Variants in YBEY observed in about 807,000 individuals in gnomAD.
The protein encoded by YBEY is endoribonuclease YbeY.
YBEY carries 15 observed loss-of-function variants against 13.5 expected under a neutral mutation model. The ratio of observed to expected loss-of-function variants is 1.11; its 90% CI spans 0.75 to 1.72. The LOEUF is 1.72. Ranked by LOEUF, YBEY falls within the 40% of genes most tolerant of loss-of-function variation. YBEY has a pLI of 0.00. For missense variants in YBEY, 244 were observed against 208.4 expected (o/e 1.17, Z -1.05); for synonymous variants, 101 against 83.1 (o/e 1.21, Z -1.17).
rs1601603255 is a variant in YBEY, at chr21:46,296,358, A to G, written c.408+128A>G. On this transcript the variant is annotated intron_variant, in intron 4 of 4. Transcript: ENST00000397701. ...AACTGGACCTCAGACCTGCCCTTGT[A>G]AAAATGACACAGATGTTTGCTTTCA... 9.1e-6 allele frequency: 9 copies of G among 986,292 alleles called. No homozygotes were observed. In the East Asian group the frequency reaches 2.3e-4, roughly 25 times the overall value. The allele number at this position is 986,292 out of a possible 1,614,324, so 61.1% of individuals were successfully genotyped here.
At chr21:46,297,067 G>A (rs1439120299) in intron 4 of YBEY, among the ~76,000 whole-genome samples, 1 of 152,192 alleles carries the variant, frequency 6.6e-6, no homozygotes, top group Non-Finnish European at 1.5e-5. Context: ...GGGAGGCCGA[G>A]GAGGGTGGAT....
chr21:46,292,437 A>C (rs1212310226), intron 3 of YBEY, among the ~76,000 whole-genome samples: 1 of 152,212 alleles, frequency 6.6e-6, no homozygotes, highest in East Asian at 1.9e-4. Context: ...GGTCTTGAGC[A>C]AGGAGGGGAT....
At chr21:46,291,212 A>AC (rs2081692388) in intron 2 of YBEY, 122 bp from the exon 3 acceptor site, 5 of 1,177,358 alleles carry the variant, frequency 4.2e-6, no homozygotes, top group Non-Finnish European at 5.4e-6. Context: ...AAAAAAAAAA[A>AC]AAAAGTGATT....
chr21:46,311,459 C>A, the YBEY span: 1 of 1,572,582 alleles, frequency 6.4e-7, no homozygotes, highest in South Asian at 1.1e-5. Flanking sequence ...CACTTACCTT[C>A]CTTAATACTT....
At chr21:46,296,292 C>T in intron 4 of YBEY, 62 bp downstream of exon 4, 1 of 1,586,386 alleles carries the variant, frequency 6.3e-7, no homozygotes, top group Non-Finnish European at 8.6e-7. Context: ...TCCCCCAGGC[C>T]CCTGCCAGCC....
At chr21:46,288,518 A>T (rs1032545041) in intron 2 of YBEY, among the ~76,000 whole-genome samples, 2 of 152,122 alleles carry the variant, frequency 1.3e-5, no homozygotes, top group Admixed American at 1.3e-4. Flanking sequence ...TCTACTAAAA[A>T]TACAAAAAAA....
chr21:46,290,713 A>T (rs2081662591), intron 2 of YBEY, among the ~76,000 whole-genome samples: 1 of 151,124 alleles, frequency 6.6e-6, no homozygotes, highest in African/African-American at 2.4e-5. Flanking sequence ...GTTCGAGACC[A>T]GCCTGACCCA....
the YBEY span, among the ~76,000 whole-genome samples, chr21:46,303,130 C>CTCCA: frequency 6.6e-6 from 1 of 151,932 alleles, no homozygotes. Flanking sequence ...TGCCACTGTA[C>CTCCA]TCCAGCCTGG....
intron 3 of YBEY, among the ~76,000 whole-genome samples, chr21:46,292,971 CGTGCCCGGG>C (rs2081797136): frequency 5.8e-5 from 2 of 34,740 alleles, no homozygotes; most frequent in African/African-American, 1.3e-4. Flanking sequence ...TAGCCTGACC[CGTGCCCGGG>C]ACTCAGTGGG....
At chr21:46,306,730 G>A in the YBEY span, among the ~76,000 whole-genome samples, 1 of 151,976 alleles carries the variant, frequency 6.6e-6, no homozygotes, top group South Asian at 2.1e-4. Flanking sequence ...TAGGACCACA[G>A]GCATGCACCT....
chr21:46,309,020 A>G, the YBEY span, among the ~76,000 whole-genome samples: 3 of 152,154 alleles, frequency 2.0e-5, no homozygotes. Context: ...TCTTTTCTCT[A>G]TAAATTACCC....
At chr21:46,297,786 A>G (rs1202735427), downstream of YBEY, 10 of 1,228,628 alleles carry the variant, frequency 8.1e-6, no homozygotes, top group East Asian at 2.9e-4. Flanking sequence ...TTGTAAATAA[A>G]ACGGTTCCGA....
At chr21:46,307,864 C>T in the YBEY span, among the ~76,000 whole-genome samples, 1 of 152,124 alleles carries the variant, frequency 6.6e-6, no homozygotes, top group African/African-American at 2.4e-5. Context: ...ACCACTGCAT[C>T]CTGTTAAAAT....
At chr21:46,306,069 CAA>C in the YBEY span, among the ~76,000 whole-genome samples, 6,848 of 122,352 alleles carry the variant, frequency 0.056, 200 homozygotes, top group Non-Finnish European at 0.079. Flanking sequence ...CACTGTGACT[CAA>C]AAAAAAAAAA....
At chr21:46,291,901 C>A in intron 3 of YBEY, 1 of 944,512 alleles carries the variant, frequency 1.1e-6, no homozygotes, top group Non-Finnish European at 1.3e-6. Context: ...TGTGGTATTG[C>A]AGTAGAGAAA....
chr21:46,295,762 C>T (rs1174640965), intron 3 of YBEY, among the ~76,000 whole-genome samples: 2 of 152,118 alleles, frequency 1.3e-5, no homozygotes, highest in Admixed American at 6.5e-5. Flanking sequence ...GGGCTGTGCG[C>T]TTGCCTCGTC....
chr21:46,301,077 C>T (rs953319275), downstream of YBEY: 6 of 1,019,884 alleles, frequency 5.9e-6, no homozygotes, highest in African/African-American at 1.0e-4. Flanking sequence ...ATAGCATTAG[C>T]ACTCTCCCTT....
intron 4 of YBEY, among the ~76,000 whole-genome samples, chr21:46,297,314 C>T (rs577953044): frequency 3.3e-5 from 5 of 151,476 alleles, no homozygotes; most frequent in Admixed American, 2.6e-4. Context: ...ACTCCCCTCC[C>T]GAGGCCCCGC....
At chr21:46,302,144 T>C, downstream of YBEY, 1 of 1,496,040 alleles carries the variant, frequency 6.7e-7, no homozygotes, top group Non-Finnish European at 8.9e-7. Flanking sequence ...CGGGGGCACA[T>C]GTGGCGGGTC....
Sources: allele counts gnomAD v4.1 joint callset (sites outside exome capture counted in the v4.1 genomes callset), GRCh38; gene constraint gnomAD v4.1.1; transcripts MANE v1.5; gene names NCBI Gene and HGNC (gene_info 2026-07-23, HGNC 2026-07-21).